Variants in TMEM132C observed in about 807,000 individuals in gnomAD.
TMEM132C encodes the protein transmembrane protein 132C, also known as protein phosphatase 1, regulatory subunit 152.
A neutral mutation model predicts 61.4 loss-of-function variants in TMEM132C; 29 were observed. That is an observed-to-expected ratio of 0.47 (90% CI 0.35 to 0.64). The LOEUF (loss-of-function observed/expected upper bound fraction) is 0.64, where lower values mean the gene tolerates loss of function less well. Among genes scored for constraint, TMEM132C ranks in the 30% least tolerant of loss-of-function variants. The pLI is 0.00. For synonymous variants in TMEM132C, 656 were observed against 633.1 expected (o/e 1.04, Z -0.54); for missense variants, 1,408 against 1,476.9 (o/e 0.95, Z 0.76).
chr12:128,310,541 C>T (rs543780843), intron 1 of TMEM132C, among the ~76,000 whole-genome samples: 25 of 151,768 alleles, frequency 1.6e-4, no homozygotes, highest in African/African-American at 5.1e-4. Context: ...AGAGTGGGGT[C>T]GGGGGTTTGC....
rs548335393 is a variant in TMEM132C at position 128,630,647 on chromosome 12, C to G, written c.1305+14312C>G. On this transcript the variant is annotated intron_variant, in intron 4 of 8. Transcript: ENST00000435159. The surrounding 1 kb of genome is among the most constrained non-coding windows in gnomAD (Gnocchi z 4.3). ...GCGGTCATGCCCAGAGGCTCGGGAA[C>G]TTGGCTGTGTCCACTCCCTAGTCCT... Among the ~76,000 whole-genome samples the G allele has an allele frequency of 4.7e-4, 72 of 152,316 alleles. No individual in the cohort carries two copies. Among genetic ancestry groups the G allele is most frequent in the African/African-American group, 1.6e-3 (66 of 41,568 alleles).
chr12:128,476,525 A>G (rs1038300991), intron 2 of TMEM132C, among the ~76,000 whole-genome samples: 2 of 152,236 alleles, frequency 1.3e-5, no homozygotes, highest in African/African-American at 4.8e-5. Flanking sequence ...TCATAAAGTC[A>G]TCTAGAAAAA....
intron 2 of TMEM132C, among the ~76,000 whole-genome samples, chr12:128,478,197 C>T (rs191422761): frequency 1.9e-4 from 29 of 152,206 alleles, no homozygotes; most frequent in African/African-American, 5.8e-4. Context: ...TGCAGATAGA[C>T]GCGTAATGAA....
chr12:128,590,676 G>A (rs555006672), intron 3 of TMEM132C, among the ~76,000 whole-genome samples: 50 of 152,300 alleles, frequency 3.3e-4, no homozygotes, highest in African/African-American at 1.2e-3. Context: ...ATAAGGAGAC[G>A]CAGGAGGTTC....
chr12:128,587,193 A>G (rs1304948207), intron 3 of TMEM132C, among the ~76,000 whole-genome samples: 1 of 152,248 alleles, frequency 6.6e-6, no homozygotes, highest in Non-Finnish European at 1.5e-5. Flanking sequence ...ATGGTATCTT[A>G]GTTCATCCAG....
chr12:128,421,730 A>G (rs1199068892), intron 2 of TMEM132C, among the ~76,000 whole-genome samples: 1 of 152,210 alleles, frequency 6.6e-6, no homozygotes, highest in African/African-American at 2.4e-5. Flanking sequence ...GGAAGATGGA[A>G]CCTTTGTTTC....
In TMEM132C at chr12:128,449,230, T is replaced by C. The variant is rs12299146; in HGVS notation, c.974+33610T>C. On this transcript the variant is annotated intron_variant, in intron 2 of 8. Transcript: ENST00000435159. ...AGAGGGTCTGAAAACTGAGCCCATT[T>C]TTCTGCTCCAAGAGTTTGGAGCCAG... Among the ~76,000 whole-genome samples, 1,303 of 152,214 alleles carry C rather than the reference T, an allele frequency of 8.6e-3. 27 individuals carry two copies. The highest frequency in any genetic ancestry group is 0.03 in the African/African-American group (1,246 of 41,518).
At chr12:128,351,148 C>T (rs958016790) in intron 1 of TMEM132C, among the ~76,000 whole-genome samples, 4 of 152,160 alleles carry the variant, frequency 2.6e-5, no homozygotes, top group African/African-American at 7.2e-5. Context: ...TTTCATACCC[C>T]ATAGTAAGGA....
rs1056755808 is a variant in TMEM132C, at chr12:128,544,154, G to T, written c.1121+51G>T. 4 of 1,456,700 alleles carry T rather than the reference G, an allele frequency of 2.7e-6. No homozygotes were observed. In the African/African-American group the frequency reaches 4.3e-5, roughly 16 times the overall value. 90.2% of individuals were successfully genotyped at this position (1,456,700 alleles called of 1,614,324 possible). ...TGTGTGGTTCCTGGTCCCGGGCCCA[G>T]GCCGGCTGGTGCGTAAGAGCCTTGA... On this transcript the variant is annotated intron_variant, in intron 3 of 8. Coordinates refer to ENST00000435159, the MANE Select transcript of TMEM132C (RefSeq NM_001136103.3).
intron 3 of TMEM132C, among the ~76,000 whole-genome samples, chr12:128,566,294 T>C (rs1292424518): frequency 6.6e-6 from 1 of 151,590 alleles, no homozygotes; most frequent in African/African-American, 2.4e-5. Context: ...GAGGATAACA[T>C]GAGGATGAAC....
intron 5 of TMEM132C, among the ~76,000 whole-genome samples, chr12:128,670,730 G>C (rs1360022608): frequency 6.6e-6 from 1 of 152,176 alleles, no homozygotes; most frequent in Non-Finnish European, 1.5e-5. Flanking sequence ...AATGCCTACT[G>C]TAGCTAAGCA....
intron 2 of TMEM132C, among the ~76,000 whole-genome samples, chr12:128,543,737 C>T (rs1450695702): frequency 6.6e-6 from 1 of 152,124 alleles, no homozygotes; most frequent in African/African-American, 2.4e-5. Context: ...TCCTCCCCCT[C>T]AGAACCGGAC....
chr12:128,528,502 G>T (rs1448530102), intron 2 of TMEM132C, among the ~76,000 whole-genome samples: 2 of 152,112 alleles, frequency 1.3e-5, no homozygotes, highest in South Asian at 2.1e-4. Context: ...TCACACAGCG[G>T]TGTCTCCTGC....
At chr12:128,677,452 C>CA (rs1954600192) in intron 5 of TMEM132C, among the ~76,000 whole-genome samples, 1 of 152,024 alleles carries the variant, frequency 6.6e-6, no homozygotes, top group Non-Finnish European at 1.5e-5. Flanking sequence ...ATGAATAGGA[C>CA]ACTGCTGGAG....
chr12:128,670,659 CTT>C (rs1216311860), intron 5 of TMEM132C, among the ~76,000 whole-genome samples: 1 of 152,170 alleles, frequency 6.6e-6, no homozygotes, highest in Non-Finnish European at 1.5e-5. Flanking sequence ...ACCACATTCT[CTT>C]TACCCACTCA....
chr12:128,362,574 G>A (rs1873740461), intron 1 of TMEM132C, among the ~76,000 whole-genome samples: 1 of 151,420 alleles, frequency 6.6e-6, no homozygotes, highest in South Asian at 2.1e-4. Context: ...ACGTGTTTCA[G>A]ATTGCAGATT....
At chr12:128,590,563 G>A (rs78269298) in intron 3 of TMEM132C, among the ~76,000 whole-genome samples, 5,866 of 152,202 alleles carry the variant, frequency 0.039, 404 homozygotes, top group African/African-American at 0.13. Context: ...ACTGCCACCC[G>A]ATTCCTCTGG....
chr12:128,489,610 A>G (rs1871640377), intron 2 of TMEM132C, among the ~76,000 whole-genome samples: 1 of 146,514 alleles, frequency 6.8e-6, no homozygotes, highest in African/African-American at 2.5e-5. Context: ...AGTGAAAGTG[A>G]TTGTTTAAAT....
chr12:128,503,896 C>T (rs745324156), intron 2 of TMEM132C, among the ~76,000 whole-genome samples: 1 of 152,230 alleles, frequency 6.6e-6, no homozygotes, highest in Non-Finnish European at 1.5e-5. Flanking sequence ...TTTATTGTCT[C>T]TCATGGTTTA....
Sources: allele counts gnomAD v4.1 joint callset (sites outside exome capture counted in the v4.1 genomes callset), GRCh38; gene constraint gnomAD v4.1.1; non-coding constraint Gnocchi (gnomAD v3.1); transcripts MANE v1.5; gene names NCBI Gene and HGNC (gene_info 2026-07-23, HGNC 2026-07-21).